Variants in STK3 observed in about 807,000 individuals in gnomAD.
STK3 encodes the protein serine/threonine kinase 3.
STK3 carries 41 observed loss-of-function variants against 58.0 expected under a neutral mutation model. The observed-to-expected ratio is 0.71, with a 90% CI of 0.55 to 0.92. The LOEUF (loss-of-function observed/expected upper bound fraction) is 0.92. STK3 is among the 40% of genes least tolerant of loss of function. The probability of loss-of-function intolerance (pLI) is 0.00; values close to 1 mark genes in which losing one functional copy is unlikely to be tolerated. For synonymous variants in STK3, 170 were observed against 191.0 expected (o/e 0.89, Z 0.91); for missense variants, 479 against 602.7 (o/e 0.79, Z 2.15).
At chr8:98,878,429 T>A (rs1327505007) in intron 3 of STK3, among the ~76,000 whole-genome samples, 1 of 152,202 alleles carries the variant, frequency 6.6e-6, no homozygotes, top group Non-Finnish European at 1.5e-5. Flanking sequence ...GATTAACTGC[T>A]CCACCCTGAC....
chr8:98,746,242 T>C (rs1829633222), intron 4 of STK3, among the ~76,000 whole-genome samples: 1 of 152,092 alleles, frequency 6.6e-6, no homozygotes, highest in Non-Finnish European at 1.5e-5. Flanking sequence ...GAAGTTCAAA[T>C]AACCTCTATC....
upstream of STK3, among the ~76,000 whole-genome samples, chr8:98,830,616 G>A (rs1183079839): frequency 6.6e-6 from 1 of 152,194 alleles, no homozygotes; most frequent in Non-Finnish European, 1.5e-5. Context: ...CATGAACAAA[G>A]GAAAGCTGCA....
intron 4 of STK3, among the ~76,000 whole-genome samples, chr8:98,713,095 A>G (rs1826655861): frequency 6.6e-6 from 1 of 152,220 alleles, no homozygotes; most frequent in Non-Finnish European, 1.5e-5. Flanking sequence ...ACAAGAACAA[A>G]GACACAACAT....
chr8:98,920,094 C>G (rs2310805), intron 1 of STK3, among the ~76,000 whole-genome samples: 140,561 of 152,322 alleles, frequency 0.92, 64,988 homozygotes, highest in African/African-American at 0.97. Flanking sequence ...AAGAGGAGGG[C>G]AACTAGAAGG....
At chr8:98,917,321 G>T (rs1441919742) in intron 1 of STK3, among the ~76,000 whole-genome samples, 1 of 152,152 alleles carries the variant, frequency 6.6e-6, no homozygotes, top group African/African-American at 2.4e-5. Flanking sequence ...CTGAGCAAAT[G>T]GCAGATGTAC....
At chr8:98,514,517 G>A (rs111512514) in intron 10 of STK3, among the ~76,000 whole-genome samples, 5,039 of 150,220 alleles carry the variant, frequency 0.034, 120 homozygotes, top group East Asian at 0.077. Flanking sequence ...ACTGATACCT[G>A]CCCCCACACT....
intron 1 of STK3, among the ~76,000 whole-genome samples, chr8:98,825,054 A>G (rs1411823050): frequency 6.6e-6 from 1 of 152,226 alleles, no homozygotes; most frequent in Non-Finnish European, 1.5e-5. Flanking sequence ...ATACCATACC[A>G]AAGCAGCACT....
intron 1 of STK3, among the ~76,000 whole-genome samples, chr8:98,442,868 G>A (rs1252681281): frequency 6.6e-6 from 1 of 152,006 alleles, no homozygotes; most frequent in Non-Finnish European, 1.5e-5. Context: ...TTAGTACTGT[G>A]GTTGGGTCCT....
At chr8:98,388,111 C>T (rs1817811463) in intron 1 of STK3, 1 of 152,060 alleles carries the variant, frequency 6.6e-6, no homozygotes, top group African/African-American at 2.4e-5. Flanking sequence ...ACAAACTAAT[C>T]AGTTACCTTT....
At position 98,758,330 on chromosome 8, in the gene STK3, T is replaced by C. The variant is rs543694951; in HGVS notation, c.236+8913A>G. ...CCAGCATCATTCTGATACCAAAATG[T>C]GGCAGAGACAAAATGAAAAAGAAAA... On this transcript the variant is annotated intron_variant, in intron 3 of 10. Coordinates refer to ENST00000419617, the MANE Select transcript of STK3 (RefSeq NM_006281.4). Among the ~76,000 whole-genome samples, 10 of 152,302 alleles carry C rather than the reference T, an allele frequency of 6.6e-5. No homozygotes were observed. In the South Asian group the frequency reaches 2.1e-3, roughly 32 times the overall value.
At position 98,725,538 on chromosome 8, in the gene STK3, A is replaced by T. The variant is rs566524838; in HGVS notation, c.352-18227T>A. On this transcript the variant is annotated intron_variant, in intron 4 of 10. Transcript: ENST00000419617. ...ATCTCCATATAATACTGTTAAAATT[A>T]GAAATTTGCCATCCAAGGAACTAAC... Among the ~76,000 whole-genome samples the T allele has an allele frequency of 2.6e-5, 4 of 152,338 alleles. No individual in the cohort carries two copies. The South Asian group carries it at 8.3e-4, about 32-fold the overall frequency.
intron 1 of STK3, among the ~76,000 whole-genome samples, chr8:98,387,973 C>G (rs1387354196): frequency 1.3e-5 from 2 of 150,754 alleles, no homozygotes; most frequent in East Asian, 3.9e-4. Flanking sequence ...ACAAAATGAC[C>G]CAGAAACTAC....
At position 98,455,914 on chromosome 8, in the gene STK3, C is replaced by G; in HGVS notation, c.1404G>C (p.Gln468His). 1 of 1,613,664 alleles carries G rather than the reference C, an allele frequency of 6.2e-7. No homozygotes were observed. The highest frequency in any genetic ancestry group is 8.5e-7 in the Non-Finnish European group (1 of 1,179,810). Residue 468 changes from glutamine (Q) to histidine (H), a missense_variant, in exon 11 of 11, where the codon CAG becomes CAC. Coordinates refer to ENST00000419617, the MANE Select transcript of STK3 (RefSeq NM_006281.4). ...MMEREIEELR[Q>H]RYTAKRQPIL... ...TGGGCTGTCTTTTCGCAGTGTATCT[C>G]TGACGAAGTTCTTCTATCTCCCGTT...
At chr8:98,806,951 G>A (rs1402394781) in intron 1 of STK3, among the ~76,000 whole-genome samples, 20 of 151,980 alleles carry the variant, frequency 1.3e-4, no homozygotes, top group South Asian at 4.2e-4. Flanking sequence ...TCAGGAGATC[G>A]AAACCATCCT....
At chr8:98,419,089 G>A (rs1057384607) in intron 3 of STK3, among the ~76,000 whole-genome samples, 10 of 152,168 alleles carry the variant, frequency 6.6e-5, no homozygotes, top group South Asian at 2.1e-4. Context: ...GGCTAGGTAC[G>A]GTGGCTCACG....
intron 1 of STK3, among the ~76,000 whole-genome samples, chr8:98,905,861 AAGG>A (rs1446377685): frequency 2.0e-5 from 3 of 152,222 alleles, no homozygotes; most frequent in East Asian, 3.9e-4. Flanking sequence ...CACATGGTAG[AAGG>A]AGATTTATGG....
chr8:98,549,099 T>C (rs1239032063), intron 8 of STK3, among the ~76,000 whole-genome samples: 1 of 152,178 alleles, frequency 6.6e-6, no homozygotes, highest in Admixed American at 6.6e-5. Context: ...TGAATCCCTA[T>C]TTTCAGTTTG....
At chr8:98,602,355 C>T (rs756202444) in intron 6 of STK3, 1 of 152,244 alleles carries the variant, frequency 6.6e-6, no homozygotes, top group Non-Finnish European at 1.5e-5. Context: ...CAAGTCCCCA[C>T]AGAACCATCT....
rs1261097801 is a variant in STK3 at position 98,642,260 on chromosome 8, G to A, written c.685-46091C>T. 1.3e-5 allele frequency among the ~76,000 whole-genome samples: 2 copies of A among 151,952 alleles called. 1 individual carries two copies. The highest frequency in any genetic ancestry group is 4.2e-4 in the South Asian group (2 of 4,804). Reference sequence around the variant, plus strand: ...GGAGGAGTGAAATGGAGGGAAAAGGGAAATAAATGTATTTATTGGCACTGA... The same window carrying A: ...GGAGGAGTGAAATGGAGGGAAAAGGAAAATAAATGTATTTATTGGCACTGA... On this transcript the variant is annotated intron_variant, in intron 6 of 10. Transcript: ENST00000419617.
Sources: allele counts gnomAD v4.1 joint callset (sites outside exome capture counted in the v4.1 genomes callset), GRCh38; gene constraint gnomAD v4.1.1; transcripts MANE v1.5; gene names NCBI Gene and HGNC (gene_info 2026-07-23, HGNC 2026-07-21).